The following SORCS3 variants were observed in gnomAD, a reference collection of about 807,000 sequenced individuals.
SORCS3 encodes VPS10 domain-containing receptor SorCS3.
SORCS3 carries 57 observed loss-of-function variants against 146.3 expected under a neutral mutation model. The ratio of observed to expected loss-of-function variants is 0.39; its 90% CI spans 0.31 to 0.49. The LOEUF is 0.49. Ranked by LOEUF, SORCS3 falls within the 20% of genes least tolerant of loss-of-function variation. The pLI, the probability that SORCS3 is intolerant of heterozygous loss-of-function variation, is 0.92. For synonymous variants in SORCS3, 653 were observed against 618.5 expected (o/e 1.06, Z -0.83); for missense variants, 1,341 against 1,575.5 (o/e 0.85, Z 2.52).
chr10:104,936,826 G>T (rs1055818816), intron 3 of SORCS3, among the ~76,000 whole-genome samples: 2 of 152,162 alleles, frequency 1.3e-5, no homozygotes, highest in Admixed American at 1.3e-4. Context: ...CAGGTACAGG[G>T]ATCACCAAAT....
intron 1 of SORCS3, among the ~76,000 whole-genome samples, chr10:104,774,413 G>A (rs190328222): frequency 1.3e-5 from 2 of 152,242 alleles, no homozygotes; most frequent in African/African-American, 4.8e-5. Flanking sequence ...CTGTGTCGAC[G>A]CTGCCATTTC....
chr10:104,970,471 A>C (rs1054603610), intron 3 of SORCS3, among the ~76,000 whole-genome samples: 3 of 152,144 alleles, frequency 2.0e-5, no homozygotes. Flanking sequence ...TCGTCCTTTC[A>C]AACTCTGCGA....
chr10:105,164,704 G>T (rs904939376), intron 12 of SORCS3, among the ~76,000 whole-genome samples: 2 of 152,132 alleles, frequency 1.3e-5, no homozygotes, highest in East Asian at 1.9e-4. Flanking sequence ...TATCATTAGT[G>T]TGCCAAGAGT....
intron 1 of SORCS3, 68 bp downstream of exon 1, chr10:104,642,022 G>GGGGGGGGGGGGGGGCCCCCCA: frequency 5.8e-6 from 1 of 173,336 alleles, no homozygotes; most frequent in Non-Finnish European, 1.1e-5. Context: ...GGGTGGGTGG[G>GGGGGGGGGGGGGGGCCCCCCA]AGCGAGGGAC....
intron 8 of SORCS3, among the ~76,000 whole-genome samples, chr10:105,143,486 T>C (rs1187132632): frequency 2.0e-5 from 3 of 152,202 alleles, no homozygotes; most frequent in East Asian, 1.9e-4. Context: ...ACCAAGGTTG[T>C]AAACTAAGCT....
At chr10:105,177,954 C>CAGAATTAATTGAAGATTA in intron 13 of SORCS3, 112 bp from the exon 14 acceptor site, 1 of 726,784 alleles carries the variant, frequency 1.4e-6, no homozygotes, top group Non-Finnish European at 2.4e-6. Flanking sequence ...ATTGATAATC[C>CAGAATTAATTGAAGATTA]ACACTGCCAG....
intron 15 of SORCS3, 129 bp from the exon 16 acceptor site, chr10:105,200,991 A>G: frequency 1.0e-6 from 1 of 953,586 alleles, no homozygotes; most frequent in South Asian, 1.7e-5. Context: ...CTGGATCATT[A>G]CTGAGAATGA....
chr10:104,694,584 G>A (rs1352040482), intron 1 of SORCS3, among the ~76,000 whole-genome samples: 1 of 152,080 alleles, frequency 6.6e-6, no homozygotes, highest in Non-Finnish European at 1.5e-5. Flanking sequence ...CCCACTCCCT[G>A]GGGGCAGCCT....
chr10:104,741,301 A>G (rs1248813008), intron 1 of SORCS3, among the ~76,000 whole-genome samples: 2 of 151,928 alleles, frequency 1.3e-5, no homozygotes, highest in Non-Finnish European at 2.9e-5. Context: ...CCAGAAGGCA[A>G]TGCTGACATT....
chr10:104,684,818 T>G (rs2016025612), intron 1 of SORCS3, among the ~76,000 whole-genome samples: 2 of 50,700 alleles, frequency 3.9e-5, no homozygotes, highest in South Asian at 8.9e-4. Context: ...TTTTTTTTTT[T>G]TTTTTTTTTT....
chr10:104,939,778 CA>C (rs1223734871), intron 3 of SORCS3, among the ~76,000 whole-genome samples: 2 of 152,196 alleles, frequency 1.3e-5, no homozygotes, highest in Non-Finnish European at 2.9e-5. Flanking sequence ...TCTTGCTCCA[CA>C]ACACTCGGGT....
chr10:104,856,312 G>A (rs2018331061), intron 2 of SORCS3, among the ~76,000 whole-genome samples: 1 of 150,580 alleles, frequency 6.6e-6, no homozygotes, highest in Non-Finnish European at 1.5e-5. Flanking sequence ...TCATCAATTA[G>A]AGGCATATAT....
chr10:105,255,379 G>A (rs1042610310), intron 23 of SORCS3, among the ~76,000 whole-genome samples: 12 of 151,944 alleles, frequency 7.9e-5, no homozygotes, highest in Non-Finnish European at 1.6e-4. Flanking sequence ...GTTAAATGAC[G>A]AGTTAATGGG....
chr10:104,932,733 T>A (rs953306555), intron 3 of SORCS3, among the ~76,000 whole-genome samples: 2 of 152,210 alleles, frequency 1.3e-5, no homozygotes, highest in African/African-American at 4.8e-5. Flanking sequence ...GTCTTTGTTG[T>A]CAAGCCTAGA....
intron 4 of SORCS3, among the ~76,000 whole-genome samples, chr10:105,029,247 T>C (rs1201832846): frequency 3.9e-5 from 6 of 152,236 alleles, no homozygotes; most frequent in Non-Finnish European, 1.5e-5. Context: ...TGAGAACCAC[T>C]GATTTGGATC....
intron 20 of SORCS3, among the ~76,000 whole-genome samples, chr10:105,223,764 A>G (rs1393427752): frequency 6.6e-6 from 1 of 152,232 alleles, no homozygotes; most frequent in Non-Finnish European, 1.5e-5. Flanking sequence ...AAGGAACAAA[A>G]GAGGCCAAAC....
At chr10:105,028,795 G>A (rs1328067415) in intron 4 of SORCS3, among the ~76,000 whole-genome samples, 1 of 152,056 alleles carries the variant, frequency 6.6e-6, no homozygotes, top group Non-Finnish European at 1.5e-5. Flanking sequence ...TATGCTTTGG[G>A]CCCCTGGTGT....
intron 15 of SORCS3, among the ~76,000 whole-genome samples, 174 bp from the exon 16 acceptor site, chr10:105,200,946 G>A (rs901300126): frequency 1.3e-5 from 2 of 152,134 alleles, no homozygotes; most frequent in Non-Finnish European, 2.9e-5. Flanking sequence ...CTTTTATGTG[G>A]TAGTGAAAGA....
At chr10:105,097,669 A>C (rs970640573) in intron 6 of SORCS3, among the ~76,000 whole-genome samples, 26 of 152,142 alleles carry the variant, frequency 1.7e-4, no homozygotes, top group Non-Finnish European at 3.7e-4. Context: ...TATTTTTTTC[A>C]TCAGTTTACT....
Sources: gnomAD v4.1 joint callset for allele counts (sites outside exome capture counted in the v4.1 genomes callset) on GRCh38, gnomAD v4.1.1 for gene constraint, MANE v1.5 for transcripts, NCBI Gene and HGNC (gene_info 2026-07-23, HGNC 2026-07-21) for gene names.